The following IGSF21 variants were observed in gnomAD, a reference collection of about 807,000 sequenced individuals.
The protein encoded by IGSF21 is immunoglobin superfamily member 21.
A neutral mutation model predicts 46.8 loss-of-function variants in IGSF21; 28 were observed. The ratio of observed to expected loss-of-function variants is 0.60; its 90% CI spans 0.44 to 0.82. The LOEUF (loss-of-function observed/expected upper bound fraction) is 0.82. Ranked by LOEUF, IGSF21 falls within the 40% of genes least tolerant of loss-of-function variation. The pLI is 0.00. For synonymous variants in IGSF21, 284 were observed against 273.6 expected, an observed-to-expected ratio of 1.04 and a Z score of -0.38; for missense variants, 624 against 665.5, an observed-to-expected ratio of 0.94 and a Z score of 0.69.
chr1:18,206,810 C>G (rs2084333112), intron 1 of IGSF21, among the ~76,000 whole-genome samples: 1 of 152,208 alleles, frequency 6.6e-6, no homozygotes, highest in Non-Finnish European at 1.5e-5. Flanking sequence ...AAAGGAGCAG[C>G]ATGATCTGCT....
At chr1:18,108,501 TGTGTGTGTGC>T (rs1480956577) in intron 1 of IGSF21, among the ~76,000 whole-genome samples, 1 of 151,580 alleles carries the variant, frequency 6.6e-6, no homozygotes, top group African/African-American at 2.4e-5. Flanking sequence ...GAGATGCAAG[TGTGTGTGTGC>T]GTGTGTGTGT....
At chr1:18,361,516 A>C (rs942647966) in intron 4 of IGSF21, 1 of 152,652 alleles carries the variant, frequency 6.6e-6, no homozygotes, top group African/African-American at 2.4e-5. Flanking sequence ...TGCCCTGCTC[A>C]TATGCCCAGC....
In IGSF21 at chr1:18,273,333, T is replaced by TCCTTC. The variant is rs2085062135; in HGVS notation, c.184-18529_184-18528insCCCTT. Reference sequence around the variant, plus strand: ...TGGGATTACAGGCATGAGCCACCATTCCTTTCCTTTCCTTTCCTTTCCTTT... The same window carrying TCCTTC: ...TGGGATTACAGGCATGAGCCACCATTCCTTCCCTTTCCTTTCCTTTCCTTTCCTTT... On this transcript the variant is annotated intron_variant, in intron 2 of 9. Transcript: ENST00000251296. 2.7e-5 allele frequency among the ~76,000 whole-genome samples: 2 copies of TCCTTC among 73,922 alleles called. 1 individual carries two copies. The highest frequency in any genetic ancestry group is 1.1e-4 in the African/African-American group (2 of 17,950). The allele number at this position is 73,922 out of a possible 152,430, so 48.5% of individuals were successfully genotyped here. A position where few individuals can be genotyped will look rare whatever the true frequency, so the allele number is the denominator to read the frequency against.
Position 18,337,207 on chromosome 1 carries a change from G to A in IGSF21, c.424+2197G>A, listed in dbSNP as rs768711835. ...GGAAACTGAGGCACAGAGTGATCTC[G>A]TGGGACTCACTCAGGTTGCACAACT... On this transcript the variant is annotated intron_variant, in intron 4 of 9. Transcript: ENST00000251296. This position sits in a 1 kb window ranked among gnomAD's most constrained non-coding sequence, Gnocchi z 5.7. Among the ~76,000 whole-genome samples the A allele has an allele frequency of 5.4e-4, 82 of 152,240 alleles. No individual in the cohort carries two copies. Among genetic ancestry groups the A allele is most frequent in the African/African-American group, 1.8e-3 (76 of 41,552 alleles).
At chr1:18,350,822 G>A (rs142182039) in intron 4 of IGSF21, among the ~76,000 whole-genome samples, 2 of 152,294 alleles carry the variant, frequency 1.3e-5, no homozygotes, top group East Asian at 1.9e-4. Flanking sequence ...CAGGAAAGAC[G>A]TGGCCACAGA....
intron 6 of IGSF21, among the ~76,000 whole-genome samples, chr1:18,373,328 G>A (rs1165113185): frequency 6.6e-6 from 1 of 152,124 alleles, no homozygotes; most frequent in Non-Finnish European, 1.5e-5. Context: ...TTCCTTTCGG[G>A]CACTCTCAGC....
intron 1 of IGSF21, chr1:18,115,848 A>G (rs987476490): frequency 8.5e-5 from 7 of 81,906 alleles, no homozygotes; most frequent in Non-Finnish European, 1.5e-4. Context: ...GAAGGAAGAA[A>G]GAAAGAAAGA....
intron 3 of IGSF21, among the ~76,000 whole-genome samples, chr1:18,305,823 C>T (rs1354304667): frequency 1.3e-5 from 2 of 152,232 alleles, no homozygotes; most frequent in Admixed American, 6.5e-5. Flanking sequence ...CTGCACAAAG[C>T]TGCAGGGCAG....
At chr1:18,374,501 C>T (rs1421781241) in intron 6 of IGSF21, among the ~76,000 whole-genome samples, 1 of 152,058 alleles carries the variant, frequency 6.6e-6, no homozygotes, top group Admixed American at 6.5e-5. Flanking sequence ...TAGAACTCAG[C>T]TCGCAGGTAT....
chr1:18,224,107 T>C (rs1044201367), intron 1 of IGSF21, among the ~76,000 whole-genome samples: 2 of 152,188 alleles, frequency 1.3e-5, no homozygotes, highest in East Asian at 3.9e-4. Flanking sequence ...ACCCACTCAC[T>C]CTCAGGATGG....
At chr1:18,298,911 C>A (rs1021543412) in intron 3 of IGSF21, among the ~76,000 whole-genome samples, 1 of 152,076 alleles carries the variant, frequency 6.6e-6, no homozygotes, top group Non-Finnish European at 1.5e-5. Context: ...CCAGGACCTA[C>A]TTGGCATTTA....
intron 1 of IGSF21, among the ~76,000 whole-genome samples, chr1:18,142,901 G>A (rs1243064126): frequency 2.6e-5 from 4 of 152,274 alleles, no homozygotes; most frequent in Middle Eastern, 3.4e-3. Flanking sequence ...GCCATTGCCT[G>A]GCAGCTGAAG....
intron 3 of IGSF21, among the ~76,000 whole-genome samples, chr1:18,312,572 G>C (rs910824644): frequency 2.6e-5 from 4 of 152,128 alleles, no homozygotes; most frequent in African/African-American, 9.7e-5. Flanking sequence ...AGCTTCTAGA[G>C]CCCACCCACA....
At chr1:18,266,364 A>G (rs1347345311) in intron 2 of IGSF21, among the ~76,000 whole-genome samples, 2 of 152,196 alleles carry the variant, frequency 1.3e-5, no homozygotes, top group Admixed American at 6.5e-5. Context: ...ATCTATTACC[A>G]TGAACATGCT....
intron 4 of IGSF21, among the ~76,000 whole-genome samples, chr1:18,352,483 G>A (rs566391643): frequency 6.6e-6 from 1 of 152,282 alleles, no homozygotes; most frequent in South Asian, 2.1e-4. Context: ...CGGGTGATTC[G>A]GATGCTGGTG....
At chr1:18,378,151 C>A in intron 9 of IGSF21, 105 bp from the exon 10 acceptor site, 1 of 918,974 alleles carries the variant, frequency 1.1e-6, no homozygotes, top group Non-Finnish European at 1.7e-6. Context: ...CCCAGTTTGT[C>A]CTGATGCTGA....
chr1:18,116,136 A>G (rs552094120), intron 1 of IGSF21, among the ~76,000 whole-genome samples: 4 of 152,318 alleles, frequency 2.6e-5, no homozygotes, highest in African/African-American at 7.2e-5. Context: ...TGATTTGCAC[A>G]TCTCTTCCCA....
At chr1:18,356,137 G>C (rs2086015819) in intron 4 of IGSF21, among the ~76,000 whole-genome samples, 2 of 152,138 alleles carry the variant, frequency 1.3e-5, no homozygotes, top group Non-Finnish European at 2.9e-5. Flanking sequence ...ACCTGGCCTA[G>C]ATTCTTACTA....
intron 2 of IGSF21, among the ~76,000 whole-genome samples, chr1:18,256,575 C>A (rs147747658): frequency 3.3e-5 from 5 of 152,228 alleles, no homozygotes; most frequent in African/African-American, 9.6e-5. Flanking sequence ...GTGCCCTGTG[C>A]GCTTCTCCTG....
Sources: gnomAD v4.1 joint callset for allele counts (sites outside exome capture counted in the v4.1 genomes callset) on GRCh38, gnomAD v4.1.1 for gene constraint, Gnocchi (gnomAD v3.1) non-coding constraint, MANE v1.5 for transcripts, NCBI Gene and HGNC (gene_info 2026-07-23, HGNC 2026-07-21) for gene names.